The following DENND2B variants were observed in gnomAD, a reference collection of about 807,000 sequenced individuals.
DENND2B encodes DENN domain containing 2B, also known as DENN domain-containing protein 2B.
In DENND2B, 32 loss-of-function variants were observed where a neutral mutation model predicts 116.0. That is an observed-to-expected ratio of 0.28 (90% CI 0.21 to 0.37). The LOEUF (loss-of-function observed/expected upper bound fraction) is 0.37, where lower values mean the gene tolerates loss of function less well. Ranked by LOEUF, DENND2B falls within the 10% of genes least tolerant of loss-of-function variation. DENND2B has a pLI of 1.00. For synonymous variants in DENND2B, 588 were observed against 583.9 expected (o/e 1.01, Z -0.10); for missense variants, 1,276 against 1,477.7 (o/e 0.86, Z 2.24).
intron 4 of DENND2B, chr11:8,719,282 C>T (rs1359190618): frequency 1.1e-5 from 11 of 965,388 alleles, no homozygotes; most frequent in East Asian, 1.1e-4. Flanking sequence ...GTGGCATCTA[C>T]TTATGCAGAA....
Position 8,707,027 on chromosome 11 carries a change from A to G in DENND2B, c.2571+58T>C, listed in dbSNP as rs1018693896. 8.7e-5 allele frequency: 137 copies of G among 1,572,258 alleles called. No homozygotes were observed. Among genetic ancestry groups the G allele is most frequent in the Non-Finnish European group, 1.2e-4 (136 of 1,157,134 alleles). On this transcript the variant is annotated intron_variant, in intron 13 of 19. Coordinates refer to ENST00000313726, the MANE Select transcript of DENND2B (RefSeq NM_213618.2). The surrounding 1 kb of genome is among the most constrained non-coding windows in gnomAD (Gnocchi z 4.8). ...CCCAAAGACTACGACCTTGGCCAGC[A>G]TGGTCCTCCTGCCACCCCAGCCCGT...
At chr11:8,802,122 G>A (rs141005355) in intron 1 of DENND2B, among the ~76,000 whole-genome samples, 8 of 151,608 alleles carry the variant, frequency 5.3e-5, no homozygotes, top group East Asian at 1.9e-4. Flanking sequence ...CTAATATGGC[G>A]AAACCCCATC....
At position 8,693,723 on chromosome 11, in the gene DENND2B, G is replaced by GCAGA; in HGVS notation, c.*372_*373insTCTG. On this transcript the variant is annotated 3_prime_UTR_variant, in exon 20 of 20. Transcript: ENST00000313726. ...GACTGGCAGCGGGGACCTCAGGCAGGCAGGCAGGCCGAAGGCCTCCAGGGA... is the reference window on the plus strand; with the variant it reads ...GACTGGCAGCGGGGACCTCAGGCAGGCAGACAGGCAGGCCGAAGGCCTCCAGGGA... The GCAGA allele has an allele frequency of 9.5e-6, 2 of 210,128 alleles. 1 individual carries two copies. The highest frequency in any genetic ancestry group is 1.9e-5 in the Non-Finnish European group (2 of 105,920). 13.0% of individuals were successfully genotyped at this position (210,128 alleles called of 1,614,324 possible). A position where few individuals can be genotyped will look rare whatever the true frequency, so the allele number is the denominator to read the frequency against.
intron 1 of DENND2B, among the ~76,000 whole-genome samples, chr11:8,898,615 A>G (rs537176469): frequency 2.0e-5 from 3 of 152,320 alleles, no homozygotes; most frequent in African/African-American, 4.8e-5. Flanking sequence ...TCATGGCCCA[A>G]TTATGGCCTA....
chr11:8,697,397 T>A, intron 17 of DENND2B, 128 bp downstream of exon 17: 1 of 687,164 alleles, frequency 1.5e-6, no homozygotes. Flanking sequence ...GACGCTAGAG[T>A]GAGACCAAGG....
At chr11:8,852,014 T>C (rs1246206158) in intron 3 of DENND2B, among the ~76,000 whole-genome samples, 2 of 152,086 alleles carry the variant, frequency 1.3e-5, no homozygotes, top group African/African-American at 4.8e-5. Flanking sequence ...AAAAACGTTA[T>C]AGGTATAAAA....
chr11:8,715,463 C>A, intron 6 of DENND2B, 140 bp downstream of exon 6: 1 of 794,902 alleles, frequency 1.3e-6, no homozygotes, highest in East Asian at 2.7e-5. Flanking sequence ...GAGGCCAGTG[C>A]ACGGACCCAG....
chr11:8,753,953 C>T (rs552746512), intron 1 of DENND2B, among the ~76,000 whole-genome samples: 39 of 151,194 alleles, frequency 2.6e-4, no homozygotes, highest in Middle Eastern at 6.8e-3. Flanking sequence ...ACAAAAGCAA[C>T]GCTGGAAGAA....
chr11:8,772,179 A>G (rs2057019004), intron 1 of DENND2B, among the ~76,000 whole-genome samples: 1 of 151,634 alleles, frequency 6.6e-6, no homozygotes, highest in Non-Finnish European at 1.5e-5. Context: ...TGCCCTATGC[A>G]TCTCTTCCAT....
intron 4 of DENND2B, among the ~76,000 whole-genome samples, chr11:8,820,232 G>C (rs2134541804): frequency 6.6e-6 from 1 of 152,164 alleles, no homozygotes; most frequent in Admixed American, 6.5e-5. Flanking sequence ...ATCCCTTTCT[G>C]TTAAAAAATA....
chr11:8,747,169 G>C (rs1444613418), intron 2 of DENND2B, among the ~76,000 whole-genome samples: 1 of 152,148 alleles, frequency 6.6e-6, no homozygotes, highest in Non-Finnish European at 1.5e-5. Flanking sequence ...GCCAGGCATT[G>C]TTCCAGGCTC....
chr11:8,699,419 C>T (rs772401772), intron 14 of DENND2B, 29 bp from the exon 15 acceptor site: 38 of 1,566,840 alleles, frequency 2.4e-5, no homozygotes, highest in Non-Finnish European at 3.1e-5. Context: ...GACAGAGTAC[C>T]TGAGCCCAGG....
At chr11:8,731,330 A>G in intron 2 of DENND2B, 121 bp from the exon 3 acceptor site, 1 of 972,396 alleles carries the variant, frequency 1.0e-6, no homozygotes, top group Non-Finnish European at 1.5e-6. Context: ...ACTCTCAAAG[A>G]GTATTCTATT....
chr11:8,902,325 C>CAAAAAA (rs71059192), intron 1 of DENND2B, among the ~76,000 whole-genome samples: 1 of 128,062 alleles, frequency 7.8e-6, no homozygotes, highest in Non-Finnish European at 1.6e-5. Flanking sequence ...GACTCCATCT[C>CAAAAAA]AAAAAAAAAA....
intron 2 of DENND2B, among the ~76,000 whole-genome samples, chr11:8,740,504 T>C (rs374417704): frequency 6.6e-6 from 1 of 152,134 alleles, no homozygotes; most frequent in African/African-American, 2.4e-5. Context: ...GTTGCTCTGC[T>C]TTTTCTGGTT....
At chr11:8,889,637 G>A (rs2064003262) in intron 1 of DENND2B, among the ~76,000 whole-genome samples, 1 of 152,224 alleles carries the variant, frequency 6.6e-6, no homozygotes, top group South Asian at 2.1e-4. Context: ...ATGGAGCCTG[G>A]CTCATTGCTA....
intron 4 of DENND2B, among the ~76,000 whole-genome samples, chr11:8,827,440 T>C (rs1015008952): frequency 3.9e-5 from 6 of 152,198 alleles, no homozygotes; most frequent in African/African-American, 9.7e-5. Flanking sequence ...GATGAAAGAT[T>C]ATAGCCACTC....
Position 8,693,861 on chromosome 11 carries a change from A to G in DENND2B, c.*235T>C. ...CAGGAAAGCACCCGGCCCCTTGGGA[A>G]TATACAAATATTTGCCATATTCTCT... On this transcript the variant is annotated 3_prime_UTR_variant, in exon 20 of 20. Transcript: ENST00000313726. 2.2e-6 allele frequency: 1 copy of G among 462,612 alleles called. No homozygotes were observed. Among genetic ancestry groups the G allele is most frequent in the South Asian group, 3.4e-5 (1 of 29,204 alleles). 28.7% of individuals were successfully genotyped at this position (462,612 alleles called of 1,614,324 possible).
intron 1 of DENND2B, among the ~76,000 whole-genome samples, chr11:8,883,471 T>C (rs1293107919): frequency 6.6e-6 from 1 of 152,230 alleles, no homozygotes; most frequent in East Asian, 1.9e-4. Flanking sequence ...GGTTTGATTT[T>C]CTTTTTCAAA....
Sources: gnomAD v4.1 joint callset for allele counts (sites outside exome capture counted in the v4.1 genomes callset) on GRCh38, gnomAD v4.1.1 for gene constraint, Gnocchi (gnomAD v3.1) non-coding constraint, MANE v1.5 for transcripts, NCBI Gene and HGNC (gene_info 2026-07-23, HGNC 2026-07-21) for gene names.